ZFHX3: variants seen among roughly 807,000 people sequenced by gnomAD.
ZFHX3 encodes the protein zinc finger homeobox 3, also known as zinc finger homeobox protein 3.
ZFHX3 carries 42 observed loss-of-function variants against 279.1 expected under a neutral mutation model. The observed-to-expected ratio is 0.15, with a 90% CI of 0.12 to 0.19. The LOEUF is 0.19. Among genes scored for constraint, ZFHX3 ranks in the 10% least tolerant of loss-of-function variants. The pLI is 1.00. For missense variants in ZFHX3, 4,981 were observed against 4,754.0 expected, an observed-to-expected ratio of 1.05 and a Z score of -1.40; for synonymous variants, 2,293 against 1,957.8, an observed-to-expected ratio of 1.17 and a Z score of -4.52.
intron 4 of ZFHX3, among the ~76,000 whole-genome samples, chr16:73,311,265 CACAA>C (rs1031836048): frequency 2.6e-5 from 4 of 151,458 alleles, no homozygotes; most frequent in East Asian, 3.9e-4. Flanking sequence ...AACAAAAATA[CACAA>C]ACAAACACCC....
chr16:73,118,572 C>T (rs953432596), intron 7 of ZFHX3, among the ~76,000 whole-genome samples: 15 of 152,068 alleles, frequency 9.9e-5, no homozygotes, highest in African/African-American at 3.6e-4. Context: ...TTATTGTATA[C>T]CTCCCATTCT....
upstream of ZFHX3, chr16:73,048,200 G>C (rs1244571815): frequency 6.5e-6 from 1 of 153,232 alleles, no homozygotes; most frequent in Non-Finnish European, 1.4e-5. Context: ...GGCCTTCGGG[G>C]ATCCACATTA....
chr16:73,809,881 C>T (rs1169965333), intron 1 of ZFHX3: 1 of 152,300 alleles, frequency 6.6e-6, no homozygotes, highest in East Asian at 1.9e-4. Flanking sequence ...AATGTCATCC[C>T]CACCCAGCCT....
At chr16:73,448,281 C>T (rs1044600053) in intron 3 of ZFHX3, among the ~76,000 whole-genome samples, 1 of 152,040 alleles carries the variant, frequency 6.6e-6, no homozygotes, top group Non-Finnish European at 1.5e-5. Flanking sequence ...AAAATACAAC[C>T]CAAGGGAAAA....
intron 8 of ZFHX3, among the ~76,000 whole-genome samples, chr16:73,074,347 C>T (rs550269666): frequency 7.9e-5 from 12 of 152,116 alleles, no homozygotes; most frequent in African/African-American, 2.2e-4. Flanking sequence ...TAAAACTGTA[C>T]GGAAACCAAA....
intron 3 of ZFHX3, among the ~76,000 whole-genome samples, chr16:73,350,563 AG>A (rs1263102028): frequency 6.6e-6 from 1 of 152,208 alleles, no homozygotes; most frequent in African/African-American, 2.4e-5. Flanking sequence ...GGCATGGTGA[AG>A]GCAGCTGTTG....
intron 2 of ZFHX3, among the ~76,000 whole-genome samples, chr16:73,573,109 G>T (rs891131912): frequency 1.3e-5 from 2 of 152,184 alleles, no homozygotes; most frequent in Non-Finnish European, 2.9e-5. Context: ...GATAATAAGA[G>T]AGTTATAGTG....
intron 5 of ZFHX3, among the ~76,000 whole-genome samples, chr16:73,173,008 G>GTTTTTTTTTT (rs869289153): frequency 2.2e-4 from 11 of 49,958 alleles, no homozygotes; most frequent in East Asian, 1.4e-3. Flanking sequence ...TTTTTTTTTT[G>GTTTTTTTTTT]TTTTTTTTTT....
chr16:73,485,288 T>C (rs866866573), intron 2 of ZFHX3, among the ~76,000 whole-genome samples: 3 of 152,254 alleles, frequency 2.0e-5, no homozygotes, highest in Middle Eastern at 3.4e-3. Flanking sequence ...TTCCTTTGTG[T>C]AATGTCCAAA....
At chr16:73,444,856 A>T (rs1270272965) in intron 3 of ZFHX3, among the ~76,000 whole-genome samples, 1 of 150,798 alleles carries the variant, frequency 6.6e-6, no homozygotes, top group African/African-American at 2.4e-5. Context: ...GCGGTGGCTC[A>T]CGCCTGTAAT....
chr16:73,668,803 T>C lies in ZFHX3; in HGVS notation c.-1547+11377A>G, dbSNP rs924256441. Among the ~76,000 whole-genome samples, 27 of 152,090 alleles carry C rather than the reference T, an allele frequency of 1.8e-4. 1 individual carries two copies. The highest frequency in any genetic ancestry group is 1.5e-5 in the Non-Finnish European group (1 of 68,010). The stretch of plus-strand genomic sequence containing the variant: ...AAGACGCTTATGCAGCCAACAAACA[T>C]ATGAAGAAAAGCTCATCATCACTGG... On this transcript the variant is annotated intron_variant, in intron 2 of 17. Coordinates refer to the ZFHX3 transcript ENST00000641206.
chr16:73,385,663 A>G (rs560471455), intron 3 of ZFHX3, among the ~76,000 whole-genome samples: 1 of 152,358 alleles, frequency 6.6e-6, no homozygotes, highest in South Asian at 2.1e-4. Flanking sequence ...CAGCAAATGC[A>G]GGCTTTATGT....
chr16:73,251,820 C>T (rs933213683), intron 5 of ZFHX3, among the ~76,000 whole-genome samples: 2 of 139,968 alleles, frequency 1.4e-5, no homozygotes, highest in African/African-American at 5.5e-5. Context: ...CATGCACACA[C>T]ACCACACACA....
intron 3 of ZFHX3, among the ~76,000 whole-genome samples, chr16:73,387,532 G>C (rs1045569649): frequency 1.3e-5 from 2 of 151,712 alleles, no homozygotes; most frequent in African/African-American, 4.8e-5. Context: ...TTGTTTTAAA[G>C]GTTATTTTCA....
At chr16:73,711,726 T>G (rs1340508540) in intron 1 of ZFHX3, among the ~76,000 whole-genome samples, 1 of 152,242 alleles carries the variant, frequency 6.6e-6, no homozygotes, top group East Asian at 1.9e-4. Context: ...ATAATTATTT[T>G]CAGACCCAAG....
At chr16:73,286,263 A>G (rs929051879) in intron 4 of ZFHX3, among the ~76,000 whole-genome samples, 7 of 152,228 alleles carry the variant, frequency 4.6e-5, no homozygotes, top group Admixed American at 2.6e-4. Context: ...ACGGCCCCAG[A>G]GGAAAGCTCT....
chr16:73,744,372 G>C (rs572007443), intron 1 of ZFHX3, among the ~76,000 whole-genome samples: 1 of 152,142 alleles, frequency 6.6e-6, no homozygotes, highest in South Asian at 2.1e-4. Flanking sequence ...GAGTTTACTC[G>C]GGGCTTCAGA....
chr16:73,841,642 C>A (rs555977976), intron 1 of ZFHX3, among the ~76,000 whole-genome samples: 3 of 152,138 alleles, frequency 2.0e-5, no homozygotes, highest in African/African-American at 7.2e-5. Context: ...GAGCTGAGAT[C>A]CCTCCACCAC....
intron 1 of ZFHX3, among the ~76,000 whole-genome samples, chr16:72,994,910 A>G (rs1298822296): frequency 6.6e-6 from 1 of 152,216 alleles, no homozygotes; most frequent in Admixed American, 6.5e-5. Flanking sequence ...AGCTGTAGCA[A>G]TATTCCGGAA....
Sources: gnomAD v4.1 joint callset for allele counts (sites outside exome capture counted in the v4.1 genomes callset) on GRCh38, gnomAD v4.1.1 for gene constraint, MANE v1.5 for transcripts, NCBI Gene and HGNC (gene_info 2026-07-23, HGNC 2026-07-21) for gene names.